Variants in FSTL3 observed in about 807,000 individuals in gnomAD.
The protein encoded by FSTL3 is follistatin like 3, also known as follistatin-related protein 3.
A neutral mutation model predicts 28.1 loss-of-function variants in FSTL3; 21 were observed. That is an observed-to-expected ratio of 0.75 (90% CI 0.53 to 1.08). FSTL3 has a LOEUF of 1.08. Ranked by LOEUF, FSTL3 falls within the 50% of genes least tolerant of loss-of-function variation. The pLI, the probability that FSTL3 is intolerant of heterozygous loss-of-function variation, is 0.00. For missense variants in FSTL3, 400 were observed against 380.9 expected (o/e 1.05, Z -0.42); for synonymous variants, 199 against 164.2 (o/e 1.21, Z -1.62).
chr19:678,503 T>TG (rs1254567651), intron 2 of FSTL3, among the ~76,000 whole-genome samples: 4 of 105,128 alleles, frequency 3.8e-5, no homozygotes, highest in Non-Finnish European at 7.8e-5. Flanking sequence ...ATGATGGTTT[T>TG]TTTTTTTTTT....
intron 3 of FSTL3, 109 bp from the exon 4 acceptor site, chr19:681,224 A>G (rs1283806274): frequency 1.4e-6 from 1 of 716,130 alleles, no homozygotes; most frequent in Non-Finnish European, 2.3e-6. Flanking sequence ...TGTGTCTCCT[A>G]CCAGAGGGTT....
intron 1 of FSTL3, among the ~76,000 whole-genome samples, chr19:677,012 A>G (rs932147242): frequency 2.5e-4 from 38 of 152,080 alleles, no homozygotes; most frequent in African/African-American, 8.7e-4. Flanking sequence ...ACTTGCCGGG[A>G]GGTGCCAGGC....
rs913551112 is a variant in FSTL3 at position 682,356 on chromosome 19, T to C, written c.*648T>C. 4.2e-6 allele frequency: 1 copy of C among 239,644 alleles called. No homozygotes were observed. The highest frequency in any genetic ancestry group is 8.1e-6 in the Non-Finnish European group (1 of 123,362). The allele number at this position is 239,644 out of a possible 1,614,324, so 14.8% of individuals were successfully genotyped here. A position where few individuals can be genotyped will look rare whatever the true frequency, so the allele number is the denominator to read the frequency against. On this transcript the variant is annotated 3_prime_UTR_variant, in exon 5 of 5. Transcript: ENST00000166139. ...GTCTAGCCTGGGTGAGTATGGAGGGTCTAGCCTGGGTGTGTATGGAGGGTC... is the reference window on the plus strand; with the variant it reads ...GTCTAGCCTGGGTGAGTATGGAGGGCCTAGCCTGGGTGTGTATGGAGGGTC...
intron 2 of FSTL3, 94 bp downstream of exon 2, chr19:678,071 GC>G: frequency 8.3e-7 from 1 of 1,206,392 alleles, no homozygotes. Context: ...CAGGGACTGA[GC>G]CCGTCACAGG....
chr19:678,793 G>C (rs1794459005), intron 2 of FSTL3, among the ~76,000 whole-genome samples: 1 of 152,202 alleles, frequency 6.6e-6, no homozygotes, highest in Non-Finnish European at 1.5e-5. Flanking sequence ...TTACAGGCGT[G>C]AGCCACCATG....
intron 2 of FSTL3, 46 bp from the exon 3 acceptor site, chr19:680,228 G>T: frequency 7.9e-7 from 1 of 1,264,328 alleles, no homozygotes; most frequent in Non-Finnish European, 1.0e-6. Context: ...CCCCACGCCC[G>T]GGACCCTCCC....
Position 683,244 on chromosome 19 carries a change from C to T in FSTL3, c.*1536C>T, listed in dbSNP as rs987496211. 1.7e-5 allele frequency: 4 copies of T among 232,662 alleles called. No homozygotes were observed. Among genetic ancestry groups the T allele is most frequent in the African/African-American group, 6.6e-5 (3 of 45,248 alleles). The allele number at this position is 232,662 out of a possible 1,614,324, so 14.4% of individuals were successfully genotyped here. ...GAATGTGGGGAGCTTGGGCATCCTC[C>T]TCCAGCCTCCTCCAGCCCCCAGGCA... On this transcript the variant is annotated 3_prime_UTR_variant, in exon 5 of 5. Coordinates refer to ENST00000166139, the MANE Select transcript of FSTL3 (RefSeq NM_005860.3).
chr19:680,961 G>A (rs570930192), intron 3 of FSTL3: 66 of 320,884 alleles, frequency 2.1e-4, no homozygotes, highest in Non-Finnish European at 9.4e-5. Context: ...GAACCAGGGG[G>A]GTGAGACTGG....
rs1448429703 is a variant in FSTL3 at position 683,175 on chromosome 19, G to C, written c.*1467G>C. 4.3e-6 allele frequency: 1 copy of C among 233,008 alleles called. No homozygotes were observed. Among genetic ancestry groups the C allele is most frequent in the African/African-American group, 2.2e-5 (1 of 45,284 alleles). 14.4% of individuals were successfully genotyped at this position (233,008 alleles called of 1,614,324 possible). A position where few individuals can be genotyped will look rare whatever the true frequency, so the allele number is the denominator to read the frequency against. On this transcript the variant is annotated 3_prime_UTR_variant, in exon 5 of 5. Coordinates refer to ENST00000166139, the MANE Select transcript of FSTL3 (RefSeq NM_005860.3). ...CACAGCCTCAGACCAGCTATGGGGA[G>C]AGGACAACACGGAGGATATCCAGCT...
Position 682,105 on chromosome 19 carries a change from A to G in FSTL3, c.*397A>G. 5.0e-6 allele frequency: 2 copies of G among 396,662 alleles called. No individual in the cohort carries two copies. Among genetic ancestry groups the G allele is most frequent in the Non-Finnish European group, 4.7e-6 (1 of 211,206 alleles). The allele number at this position is 396,662 out of a possible 1,614,324, so 24.6% of individuals were successfully genotyped here. On this transcript the variant is annotated 3_prime_UTR_variant, in exon 5 of 5. Coordinates refer to ENST00000166139, the MANE Select transcript of FSTL3 (RefSeq NM_005860.3). ...CTGAAGAGGCATGACTGCTTTTCTC[A>G]GCCCCAAGCCTCTAGTCTGGGTGTG...
intron 2 of FSTL3, chr19:680,009 C>CCT (rs35616330): frequency 0.11 from 23,046 of 200,748 alleles, 2,069 homozygotes; most frequent in African/African-American, 0.13. Flanking sequence ...AGACCCCCCC[C>CCT]CGCCCCGGCC....
In FSTL3 at chr19:677,940, C is replaced by A. The variant is rs775187226; in HGVS notation, c.252C>A (p.Leu84=). Residue 84 remains leucine, a synonymous_variant, in exon 2 of 5, where the codon CTC becomes CTA. Transcript: ENST00000166139. ...ACCCGGGGAACAAGATCAACCTCCT[C>A]GGCTTCTTGGGCCTTGTCCACTGCC... ...LTHPGNKINL[L]GFLGLVHCLP... is the part of the protein sequence containing the mutation. 7 of 1,613,542 alleles carry A rather than the reference C, an allele frequency of 4.3e-6. No homozygotes were observed. The highest frequency in any genetic ancestry group is 5.9e-6 in the Non-Finnish European group (7 of 1,179,992).
chr19:679,497 C>G (rs1045614185), intron 2 of FSTL3, among the ~76,000 whole-genome samples: 1 of 152,264 alleles, frequency 6.6e-6, no homozygotes, highest in Non-Finnish European at 1.5e-5. Context: ...GGTTGGTCAT[C>G]TGGGTCCTGG....
chr19:679,071 C>T (rs2031270855), intron 2 of FSTL3, among the ~76,000 whole-genome samples: 1 of 152,106 alleles, frequency 6.6e-6, no homozygotes, highest in Non-Finnish European at 1.5e-5. Context: ...TGGTCCTGAA[C>T]TCACTGCCAC....
intron 2 of FSTL3, 94 bp downstream of exon 2, chr19:678,071 G>GC (rs763553043): frequency 2.3e-5 from 28 of 1,206,394 alleles, no homozygotes; most frequent in Non-Finnish European, 3.3e-5. Flanking sequence ...CAGGGACTGA[G>GC]CCCGTCACAG....
rs1302951109 is a variant in FSTL3, at chr19:681,775, G to T, written c.*67G>T. On this transcript the variant is annotated 3_prime_UTR_variant, in exon 5 of 5. Transcript: ENST00000166139. ...TCATCCCCTGTTATTTATTGCCACA[G>T]CAGAGTCTAATTTATATGCCACGGA... 20 of 1,353,746 alleles carry T rather than the reference G, an allele frequency of 1.5e-5. No homozygotes were observed. Among genetic ancestry groups the T allele is most frequent in the Non-Finnish European group, 1.9e-5 (18 of 970,314 alleles). The allele number at this position is 1,353,746 out of a possible 1,614,324, so 83.9% of individuals were successfully genotyped here. A position where few individuals can be genotyped will look rare whatever the true frequency, so the allele number is the denominator to read the frequency against.
chr19:680,199 C>A, intron 2 of FSTL3, 75 bp from the exon 3 acceptor site: 1 of 972,424 alleles, frequency 1.0e-6, no homozygotes, highest in Non-Finnish European at 1.4e-6. Flanking sequence ...CAGGGAGGGG[C>A]CCCGAGGCCT....
chr19:681,018 G>T (rs953879648), intron 3 of FSTL3: 28 of 405,762 alleles, frequency 6.9e-5, no homozygotes, highest in Middle Eastern at 1.3e-3. Context: ...TTCCTGGGTG[G>T]AGATGGGCGG....
chr19:680,244 C>T (rs982137240), intron 2 of FSTL3, 30 bp from the exon 3 acceptor site: 38 of 1,314,734 alleles, frequency 2.9e-5, no homozygotes, highest in Non-Finnish European at 3.3e-5. Context: ...CTCCCGCGCC[C>T]GGCCCCACGC....
Sources: allele counts gnomAD v4.1 joint callset (sites outside exome capture counted in the v4.1 genomes callset), GRCh38; gene constraint gnomAD v4.1.1; transcripts MANE v1.5; gene names NCBI Gene and HGNC (gene_info 2026-07-23, HGNC 2026-07-21).